SCPEP1: variants seen among roughly 807,000 people sequenced by gnomAD.
SCPEP1 encodes the protein serine carboxypeptidase 1.
Under a neutral mutation model 63.8 loss-of-function variants are expected in SCPEP1, and 51 were observed. The ratio of observed to expected loss-of-function variants is 0.80; its 90% CI spans 0.64 to 1.01. The LOEUF (loss-of-function observed/expected upper bound fraction) is 1.01. SCPEP1 is among the 50% of genes least tolerant of loss of function. The pLI is 0.00. For synonymous variants in SCPEP1, 204 were observed against 207.8 expected, an observed-to-expected ratio of 0.98 and a Z score of 0.16; for missense variants, 499 against 554.9, an observed-to-expected ratio of 0.90 and a Z score of 1.01.
intron 9 of SCPEP1, 79 bp downstream of exon 9, chr17:56,997,134 A>C (rs1332077030): frequency 5.6e-6 from 5 of 886,104 alleles, no homozygotes; most frequent in African/African-American, 1.7e-5. Context: ...AAAAAAAAAA[A>C]ACTTTATTAA....
chr17:56,994,210 C>T (rs974153799), intron 6 of SCPEP1, among the ~76,000 whole-genome samples: 1 of 152,190 alleles, frequency 6.6e-6, no homozygotes, highest in Non-Finnish European at 1.5e-5. Context: ...GACACTTTGC[C>T]TTAAGGAGCC....
intron 12 of SCPEP1, among the ~76,000 whole-genome samples, chr17:57,005,732 G>T (rs1362266004): frequency 6.6e-6 from 1 of 152,216 alleles, no homozygotes; most frequent in Admixed American, 6.5e-5. Flanking sequence ...GGCCCTGTTT[G>T]TTTTTATTAT....
At chr17:56,987,667 A>G (rs765592690) in intron 3 of SCPEP1, 28 bp from the exon 4 acceptor site, 4 of 1,605,048 alleles carry the variant, frequency 2.5e-6, no homozygotes, top group Non-Finnish European at 3.4e-6. Flanking sequence ...TCTGATTGCA[A>G]CATTTCGTTT....
At chr17:56,985,011 G>A (rs760875198) in intron 2 of SCPEP1, 4 of 242,692 alleles carry the variant, frequency 1.6e-5, no homozygotes, top group Non-Finnish European at 2.4e-5. Context: ...GGGCTGAGGC[G>A]GGAGGATCAC....
chr17:56,996,708 G>C (rs1911573968), intron 8 of SCPEP1, among the ~76,000 whole-genome samples: 1 of 150,838 alleles, frequency 6.6e-6, no homozygotes, highest in South Asian at 2.1e-4. Context: ...TCAGTAGAGA[G>C]GGGTTTCACC....
chr17:56,984,506 G>C (rs1317056933), intron 2 of SCPEP1: 1 of 152,346 alleles, frequency 6.6e-6, no homozygotes, highest in Non-Finnish European at 1.5e-5. Context: ...AGAGCCCATA[G>C]AACTGCCCCC....
chr17:56,983,237 G>A (rs2144469872), intron 2 of SCPEP1: 1 of 152,582 alleles, frequency 6.6e-6, no homozygotes, highest in South Asian at 2.1e-4. Context: ...TTGAGGAGAG[G>A]GGAATGAGGA....
chr17:56,998,361 C>T lies in SCPEP1; in HGVS notation c.881-24C>T, dbSNP rs778468299. On this transcript the variant is annotated intron_variant, in intron 9 of 12. Coordinates refer to ENST00000262288, the MANE Select transcript of SCPEP1 (RefSeq NM_021626.3). ...TGGCCTTACTTCCAGCCCTTTGACT[C>T]ACTATCTACCAGTTTGGTTTTAGTT... The T allele has an allele frequency of 2.7e-6, 4 of 1,502,132 alleles. No individual in the cohort carries two copies. The Admixed American group carries it at 6.7e-5, about 25-fold the overall frequency. The allele number at this position is 1,502,132 out of a possible 1,614,324, so 93.1% of individuals were successfully genotyped here. A position where few individuals can be genotyped will look rare whatever the true frequency, so the allele number is the denominator to read the frequency against.
Position 57,006,698 on chromosome 17 carries a change from A to C in SCPEP1, c.*463A>C, listed in dbSNP as rs911011138. 6.6e-6 allele frequency: 1 copy of C among 152,088 alleles called. No individual in the cohort carries two copies. The highest frequency in any genetic ancestry group is 2.4e-5 in the African/African-American group (1 of 41,412). 9.4% of individuals were successfully genotyped at this position (152,088 alleles called of 1,614,324 possible). A position where few individuals can be genotyped will look rare whatever the true frequency, so the allele number is the denominator to read the frequency against. On this transcript the variant is annotated 3_prime_UTR_variant, in exon 13 of 13. Coordinates refer to ENST00000262288, the MANE Select transcript of SCPEP1 (RefSeq NM_021626.3). ...AATCATTACTCTATGTTGTTTTACT[A>C]TTTGTTTGACATATCAGTATATCTG...
chr17:56,988,245 C>G lies in SCPEP1; in HGVS notation c.501C>G (p.Ser167=). ...TTCCATTCTACATTTTCTCAGAGTC[C>G]TATGGAGGAAAAATGGCAGCTGGCA... ...QTVPFYIFSE[S]YGGKMAAGIG... is the part of the protein sequence containing the mutation. The change falls in exon 5 of 13, where the codon TCC becomes TCG. Residue 167 remains serine, a synonymous_variant. Coordinates refer to ENST00000262288, the MANE Select transcript of SCPEP1 (RefSeq NM_021626.3). 1 of 1,612,330 alleles carries G rather than the reference C, an allele frequency of 6.2e-7. No homozygotes were observed.
chr17:56,999,746 G>T (rs1911682636), intron 10 of SCPEP1, among the ~76,000 whole-genome samples: 2 of 152,206 alleles, frequency 1.3e-5, no homozygotes, highest in African/African-American at 4.8e-5. Context: ...ATTTTGGGAT[G>T]CCAAGGTGGG....
chr17:56,986,794 C>A (rs1218041282), intron 3 of SCPEP1, among the ~76,000 whole-genome samples: 1 of 152,134 alleles, frequency 6.6e-6, no homozygotes, highest in Admixed American at 6.5e-5. Flanking sequence ...ATCCTCCCAC[C>A]TCAGCCTCCC....
chr17:56,990,309 C>T lies in SCPEP1; in HGVS notation c.547-790C>T, dbSNP rs150393493. On this transcript the variant is annotated intron_variant, in intron 5 of 12. Transcript: ENST00000262288. ...AGACTTTCACATTTCCTTCTATCTCCTATGTTTGAATATCAGTGAGCTTAA... is the reference window on the plus strand; with the variant it reads ...AGACTTTCACATTTCCTTCTATCTCTTATGTTTGAATATCAGTGAGCTTAA... Among the ~76,000 whole-genome samples, 730 of 152,158 alleles carry T rather than the reference C, an allele frequency of 4.8e-3. 6 individuals carry two copies. The highest frequency in any genetic ancestry group is 0.024 in the East Asian group (123 of 5,188).
intron 6 of SCPEP1, chr17:56,994,762 A>G: frequency 2.2e-6 from 1 of 464,636 alleles, no homozygotes; most frequent in South Asian, 2.6e-5. Context: ...TAGTCTTAAG[A>G]GTCAACAGAA....
intron 8 of SCPEP1, 102 bp from the exon 9 acceptor site, chr17:56,996,860 A>T: frequency 1.5e-6 from 1 of 678,416 alleles, no homozygotes; most frequent in Non-Finnish European, 2.4e-6. Context: ...ATACAAAATT[A>T]AACCTGTCCT....
chr17:56,992,848 C>T lies in SCPEP1; in HGVS notation c.619+1677C>T, dbSNP rs78239407. Among the ~76,000 whole-genome samples, 655 of 152,306 alleles carry T rather than the reference C, an allele frequency of 4.3e-3. 7 individuals carry two copies. Among genetic ancestry groups the T allele is most frequent in the African/African-American group, 0.015 (617 of 41,566 alleles). On this transcript the variant is annotated intron_variant, in intron 6 of 12. Transcript: ENST00000262288. ...CTACATTGTCTCTCCAAGATCAGTA[C>T]GTTTCGCTTCCTGGCTTTGCAAGTG...
intron 11 of SCPEP1, among the ~76,000 whole-genome samples, chr17:57,001,405 G>T (rs765572704): frequency 1.3e-5 from 2 of 152,110 alleles, no homozygotes; most frequent in Non-Finnish European, 2.9e-5. Flanking sequence ...AGACCCAGGG[G>T]AAATGGTCTT....
At chr17:57,002,310 T>C (rs1911764252) in intron 12 of SCPEP1, 129 bp downstream of exon 12, 2 of 846,808 alleles carry the variant, frequency 2.4e-6, no homozygotes, top group Non-Finnish European at 3.6e-6. Context: ...CCAGGTACAG[T>C]GGCTCATGCC....
chr17:57,002,706 C>CA (rs140237843), intron 12 of SCPEP1, among the ~76,000 whole-genome samples: 8,450 of 151,630 alleles, frequency 0.056, 314 homozygotes, highest in East Asian at 0.16. Flanking sequence ...GACTCTGTCT[C>CA]AAAAAAGAAC....
Sources: allele counts gnomAD v4.1 joint callset (sites outside exome capture counted in the v4.1 genomes callset), GRCh38; gene constraint gnomAD v4.1.1; transcripts MANE v1.5; gene names NCBI Gene and HGNC (gene_info 2026-07-23, HGNC 2026-07-21).